Variants in MACO1 observed in about 807,000 individuals in gnomAD.
MACO1 encodes macoilin 1.
MACO1 carries 14 observed loss-of-function variants against 78.7 expected under a neutral mutation model. The observed-to-expected ratio is 0.18, with a 90% CI of 0.12 to 0.28. The LOEUF is 0.28. Ranked by LOEUF, MACO1 falls within the 10% of genes least tolerant of loss-of-function variation. The pLI, the probability that MACO1 is intolerant of heterozygous loss-of-function variation, is 1.00. For missense variants in MACO1, 501 were observed against 799.0 expected, an observed-to-expected ratio of 0.63 and a Z score of 4.50; for synonymous variants, 288 against 291.6, an observed-to-expected ratio of 0.99 and a Z score of 0.12.
chr1:25,484,272 C>T lies in MACO1; in HGVS notation c.1311C>T (p.Asn437=). 1.9e-6 allele frequency: 3 copies of T among 1,607,460 alleles called. No homozygotes were observed. Among genetic ancestry groups the T allele is most frequent in the East Asian group, 2.2e-5 (1 of 44,810 alleles). The stretch of plus-strand genomic sequence containing the variant: ...GGCAGGAGAACGAGCTGCTGCAGAA[C>T]AAGTACGTGCACCTTTCAGGCCTTT... The part of the protein sequence containing the change: ...QLRQENELLQ[N]KLHNAVQMKQ... Residue 437 remains asparagine, a splice_region_variant and synonymous_variant, in exon 7 of 11, where the codon AAC becomes AAT. Transcript: ENST00000374343.
intron 1 of MACO1, among the ~76,000 whole-genome samples, chr1:25,440,513 A>G (rs2042962081): frequency 6.6e-6 from 1 of 152,098 alleles, no homozygotes; most frequent in African/African-American, 2.4e-5. Context: ...TCACGCCTGT[A>G]ATCCCAGCAC....
At chr1:25,456,585 T>A in intron 4 of MACO1, 68 bp from the exon 5 acceptor site, 1 of 1,493,704 alleles carries the variant, frequency 6.7e-7, no homozygotes, top group South Asian at 1.2e-5. Flanking sequence ...ATAGGTATTC[T>A]CATGTGCTTG....
At position 25,449,419 on chromosome 1, in the gene MACO1, T is replaced by G. The variant is rs11811830; in HGVS notation, c.349+485T>G. On this transcript the variant is annotated intron_variant, in intron 3 of 10. Coordinates refer to ENST00000374343, the MANE Select transcript of MACO1 (RefSeq NM_018202.6). ...TTACCTACTGTTCCTGGTACCCTAC[T>G]CTGTTTTTGGGCAGCTATAAAATAA... Among the ~76,000 whole-genome samples the G allele has an allele frequency of 6.9e-3, 1,048 of 152,324 alleles. 16 individuals carry two copies. The highest frequency in any genetic ancestry group is 0.024 in the African/African-American group (995 of 41,572).
chr1:25,431,141 C>G lies in MACO1; in HGVS notation c.43C>G (p.Leu15Val), dbSNP rs752591875. The change falls in exon 1 of 11, where the codon CTA becomes GTA. Residue 15 changes from leucine to valine, a missense_variant. Leu to Val is a conservative substitution (Grantham distance 32). This residue lies in a region of MACO1 where 171 missense variants were observed against 292.1 expected (regional missense o/e 0.59). Coordinates refer to ENST00000374343, the MANE Select transcript of MACO1 (RefSeq NM_018202.6). Reference sequence around the variant, plus strand: ...CGACTGCAGTAAGCTCCGCCGCCCCCTAAAGCGGAACCGGATCACCGAGGG... The same window carrying G: ...CGACTGCAGTAAGCTCCGCCGCCCCGTAAAGCGGAACCGGATCACCGAGGG... ...NADCSKLRRP[L>V]KRNRITEGIY... 6 of 1,599,038 alleles carry G rather than the reference C, an allele frequency of 3.8e-6. No homozygotes were observed. In the South Asian group the frequency reaches 5.6e-5, roughly 15 times the overall value.
chr1:25,489,239 G>A lies in MACO1; in HGVS notation c.1563G>A (p.Thr521=), dbSNP rs763917729. Residue 521 remains threonine (T), a synonymous_variant, in exon 9 of 11, where the codon ACG becomes ACA. Transcript: ENST00000374343. ...RELEAEGKKL[T]MDMKVKEDQI... Reference sequence around the variant, plus strand: ...TAGAAGCAGAGGGCAAGAAGCTCACGATGGACATGAAGGTGAAAGAAGACC... The same window carrying A: ...TAGAAGCAGAGGGCAAGAAGCTCACAATGGACATGAAGGTGAAAGAAGACC... 15 of 1,613,982 alleles carry A rather than the reference G, an allele frequency of 9.3e-6. No individual in the cohort carries two copies. The highest frequency in any genetic ancestry group is 6.7e-5 in the East Asian group (3 of 44,890).
chr1:25,472,502 A>G (rs1230689145), intron 6 of MACO1, among the ~76,000 whole-genome samples: 1 of 152,040 alleles, frequency 6.6e-6, no homozygotes, highest in Non-Finnish European at 1.5e-5. Context: ...GCTGAGAATG[A>G]TGGTTTCCAG....
In MACO1 at chr1:25,431,546, G is replaced by A. The variant is rs1557654487; in HGVS notation, c.80+368G>A. Among the ~76,000 whole-genome samples, 5 of 151,818 alleles carry A rather than the reference G, an allele frequency of 3.3e-5. No individual in the cohort carries two copies. The South Asian group carries it at 8.3e-4, about 25-fold the overall frequency. On this transcript the variant is annotated intron_variant, in intron 1 of 10. Transcript: ENST00000374343. ...AGGGCCGCTTCCGGGACCTCTGACT[G>A]GCCGCCGCTGGCCCCCGAGCCCCCC...
chr1:25,468,909 C>T (rs1202618228), intron 6 of MACO1, among the ~76,000 whole-genome samples: 1 of 152,218 alleles, frequency 6.6e-6, no homozygotes, highest in Middle Eastern at 3.4e-3. Flanking sequence ...AGTGCAGTGG[C>T]GCCATCTGGG....
chr1:25,461,580 C>A (rs1177846328), intron 6 of MACO1, among the ~76,000 whole-genome samples: 1 of 151,380 alleles, frequency 6.6e-6, no homozygotes, highest in East Asian at 1.9e-4. Flanking sequence ...TCCTTCCCCC[C>A]CCTCAAAAAA....
At chr1:25,490,127 T>A (rs2124611934) in intron 9 of MACO1, among the ~76,000 whole-genome samples, 1 of 152,136 alleles carries the variant, frequency 6.6e-6, no homozygotes, top group African/African-American at 2.4e-5. Context: ...AAAGATTTTC[T>A]AAACATACAA....
intron 10 of MACO1, among the ~76,000 whole-genome samples, chr1:25,496,173 A>T (rs1320819535): frequency 2.1e-5 from 3 of 142,586 alleles, no homozygotes; most frequent in African/African-American, 7.9e-5. Context: ...TTTTTTTGAG[A>T]CAGGGTCTCT....
In MACO1 at chr1:25,498,378, T is replaced by C; in HGVS notation, c.1907T>C (p.Val636Ala). 6.2e-7 allele frequency: 1 copy of C among 1,613,928 alleles called. No individual in the cohort carries two copies. Among genetic ancestry groups the C allele is most frequent in the South Asian group, 1.1e-5 (1 of 91,044 alleles). ...GCCGCCACCAGCCCCCTGAGCCCTG[T>C]TTCCCCCCACTACTCTTCCAAATTT... ...YSAATSPLSP[V>A]SPHYSSKFVE... Residue 636 changes from valine (V) to alanine (A), a missense_variant, in exon 11 of 11, where the codon GTT becomes GCT. Transcript: ENST00000374343.
Position 25,498,344 on chromosome 1 carries a change from A to C in MACO1, c.1873A>C (p.Thr625Pro). 1 of 1,614,186 alleles carries C rather than the reference A, an allele frequency of 6.2e-7. No homozygotes were observed. The highest frequency in any genetic ancestry group is 8.5e-7 in the Non-Finnish European group (1 of 1,180,020). ...AGTCATGGCCGTCATGCCCAGCATA[A>C]CATACAGTGCCGCCACCAGCCCCCT... ...AEVMAVMPSI[T>P]YSAATSPLSP... Residue 625 changes from threonine (T) to proline (P), a missense_variant, in exon 11 of 11, where the codon ACA (threonine) becomes CCA (proline). Transcript: ENST00000374343.
At chr1:25,453,259 C>A (rs2043084157) in intron 3 of MACO1, among the ~76,000 whole-genome samples, 1 of 151,620 alleles carries the variant, frequency 6.6e-6, no homozygotes, top group African/African-American at 2.4e-5. Flanking sequence ...CCCTCCTCGG[C>A]CTCCCAAAGT....
At position 25,431,872 on chromosome 1, in the gene MACO1, A is replaced by G. The variant is rs2042875776; in HGVS notation, c.80+694A>G. Among the ~76,000 whole-genome samples, 2 of 151,772 alleles carry G rather than the reference A, an allele frequency of 1.3e-5. 1 individual carries two copies. The highest frequency in any genetic ancestry group is 4.2e-4 in the South Asian group (2 of 4,804). ...ATTGTTTTGACAATTCCAAGCAGATAGCTTGCTTTGAACGTTTTTAAAAAG... is the reference window on the plus strand; with the variant it reads ...ATTGTTTTGACAATTCCAAGCAGATGGCTTGCTTTGAACGTTTTTAAAAAG... On this transcript the variant is annotated intron_variant, in intron 1 of 10. Coordinates refer to ENST00000374343, the MANE Select transcript of MACO1 (RefSeq NM_018202.6).
At chr1:25,483,351 G>T (rs2043398045) in intron 6 of MACO1, among the ~76,000 whole-genome samples, 1 of 152,138 alleles carries the variant, frequency 6.6e-6, no homozygotes, top group African/African-American at 2.4e-5. Flanking sequence ...GCGCCTGGCC[G>T]ATAGTTTTTG....
At chr1:25,440,406 A>T (rs72660938) in intron 1 of MACO1, among the ~76,000 whole-genome samples, 1 of 123,888 alleles carries the variant, frequency 8.1e-6, no homozygotes, top group Non-Finnish European at 1.7e-5. Context: ...CAGTTCTGGG[A>T]AAAAAAAAAA....
chr1:25,441,480 C>T (rs773763115), intron 1 of MACO1, among the ~76,000 whole-genome samples: 10 of 152,136 alleles, frequency 6.6e-5, no homozygotes, highest in African/African-American at 1.2e-4. Context: ...CCACTGCTCC[C>T]GGCCTCAACA....
chr1:25,491,263 G>T (rs1192407885), intron 9 of MACO1, 147 bp from the exon 10 acceptor site: 2 of 937,728 alleles, frequency 2.1e-6, no homozygotes, highest in Non-Finnish European at 3.2e-6. Flanking sequence ...AACACATTTA[G>T]CACTTGCCTA....
Sources: gnomAD v4.1 joint callset for allele counts (sites outside exome capture counted in the v4.1 genomes callset) on GRCh38, gnomAD v4.1.1 for gene constraint, gnomAD v4.1.1 regional missense constraint, MANE v1.5 for transcripts, NCBI Gene and HGNC (gene_info 2026-07-23, HGNC 2026-07-21) for gene names.